ELF4: variants seen among roughly 807,000 people sequenced by gnomAD.
ELF4 encodes E74 like ETS transcription factor 4, also known as ETS-related transcription factor Elf-4.
In ELF4, 10 loss-of-function variants were observed where a neutral mutation model predicts 31.7. The observed-to-expected ratio is 0.32, with a 90% CI of 0.19 to 0.54. The LOEUF is 0.54. Ranked by LOEUF, ELF4 falls within the 20% of genes least tolerant of loss-of-function variation. ELF4 has a pLI of 0.95. For missense variants in ELF4, 418 were observed against 522.0 expected (o/e 0.80, Z 1.94); for synonymous variants, 208 against 226.7 (o/e 0.92, Z 0.74).
rs1932629093 is a variant in ELF4 at position 130,065,024 on chromosome X, C to T, written c.*1697G>A. The T allele has an allele frequency of 5.8e-6, 1 of 171,600 alleles. No homozygotes were observed. Among genetic ancestry groups the T allele is most frequent in the African/African-American group, 3.0e-5 (1 of 33,745 alleles). The allele number at this position is 171,600 out of a possible 1,213,427, so 14.1% of individuals were successfully genotyped here. A position where few individuals can be genotyped will look rare whatever the true frequency, so the allele number is the denominator to read the frequency against. ...ACATTTGCACAACCAAACACAGTGC[C>T]CTCCAGGGGGCAGGGAGAAGAAGAG... On this transcript the variant is annotated 3_prime_UTR_variant, in exon 9 of 9. Coordinates refer to ENST00000308167, the MANE Select transcript of ELF4 (RefSeq NM_001421.4).
intron 1 of ELF4, among the ~76,000 whole-genome samples, chrX:130,099,194 C>T (rs1933202168): frequency 8.9e-6 from 1 of 111,986 alleles, no homozygotes; most frequent in Admixed American, 9.5e-5. Flanking sequence ...GGCCTCCCTC[C>T]CTAGAGATTT....
chrX:130,098,619 A>G (rs1224092401), intron 1 of ELF4, among the ~76,000 whole-genome samples: 7 of 111,273 alleles, frequency 6.3e-5, no homozygotes, highest in African/African-American at 2.3e-4. Context: ...GGATCTATGC[A>G]CCCACCCAAA....
intron 4 of ELF4, among the ~76,000 whole-genome samples, chrX:130,072,831 C>A (rs1303732925): frequency 1.8e-5 from 2 of 112,028 alleles, no homozygotes; most frequent in East Asian, 5.6e-4. Flanking sequence ...GGTCACACAG[C>A]AAGTTGGTGC....
At chrX:130,098,347 C>T (rs1053860674) in intron 1 of ELF4, among the ~76,000 whole-genome samples, 2 of 112,152 alleles carry the variant, frequency 1.8e-5, no homozygotes, top group Non-Finnish European at 3.8e-5. Flanking sequence ...AGTGCCTCCT[C>T]GGCTCTTCTG....
chrX:130,107,498 T>C (rs888689349), intron 1 of ELF4, among the ~76,000 whole-genome samples: 1 of 110,839 alleles, frequency 9.0e-6, no homozygotes, highest in African/African-American at 3.3e-5. Flanking sequence ...ATTATTTATA[T>C]AGATGACATA....
chrX:130,085,321 G>A lies in ELF4; in HGVS notation c.-209-3782C>T, dbSNP rs184175371. ...TAAGAGGGAGTGTGCAGGCAAAGGC[G>A]CCGACCTCCTGGCCTGCAAATACAC... On this transcript the variant is annotated intron_variant, in intron 1 of 8. Coordinates refer to ENST00000308167, the MANE Select transcript of ELF4 (RefSeq NM_001421.4). Among the ~76,000 whole-genome samples the A allele has an allele frequency of 3.4e-3, 380 of 111,841 alleles. 3 individuals are homozygous for A. The highest frequency in any genetic ancestry group is 0.012 in the African/African-American group (365 of 30,787).
chrX:130,067,480 C>T lies in ELF4; in HGVS notation c.1233G>A (p.Val411=), dbSNP rs749616688. Residue 411 remains valine (V), a synonymous_variant, in exon 9 of 9, where the codon GTG becomes GTA. Coordinates refer to ENST00000308167, the MANE Select transcript of ELF4 (RefSeq NM_001421.4). Reference sequence around the variant, plus strand: ...GCAGGGTCAGGGCCGAGCCCGACCCCACGGGGGCCACTCCTAGGTGGATGT... The same window carrying T: ...GCAGGGTCAGGGCCGAGCCCGACCCTACGGGGGCCACTCCTAGGTGGATGT... ...PSNIHLGVAP[V]GSGSALTLQT... 1.7e-6 allele frequency: 2 copies of T among 1,211,761 alleles called. No homozygotes were observed. The highest frequency in any genetic ancestry group is 4.3e-5 in the Admixed American group (2 of 46,054).
chrX:130,072,426 A>G lies in ELF4; in HGVS notation c.341-9T>C. 8.3e-7 allele frequency: 1 copy of G among 1,211,878 alleles called. No individual in the cohort carries two copies. Among genetic ancestry groups the G allele is most frequent in the Non-Finnish European group, 1.1e-6 (1 of 895,315 alleles). On this transcript the variant is annotated splice_polypyrimidine_tract_variant and intron_variant, in intron 4 of 8. Coordinates refer to ENST00000308167, the MANE Select transcript of ELF4 (RefSeq NM_001421.4). ...CATTTCGGAGGTACTGACTGCAAGA[A>G]GAAAGACCTGAGGTGGGCGGGGCCC...
chrX:130,072,327 A>G lies in ELF4; in HGVS notation c.431T>C (p.Leu144Pro), dbSNP rs1271390747. Reference protein sequence around the residue: ...YLFPASEPDALNRAGDTSDQE... With the variant: ...YLFPASEPDAPNRAGDTSDQE... The stretch of plus-strand genomic sequence containing the variant: ...GTCACTAGTGTCACCCGCCCTGTTC[A>G]GGGCATCGGGCTCAGAGGCAGGAAA... The change falls in exon 5 of 9, where the codon CTG becomes CCG. Residue 144 changes from leucine to proline, a missense_variant. Transcript: ENST00000308167. 1 of 1,210,867 alleles carries G rather than the reference A, an allele frequency of 8.3e-7. No homozygotes were observed. Among genetic ancestry groups the G allele is most frequent in the Non-Finnish European group, 1.1e-6 (1 of 895,373 alleles).
intron 1 of ELF4, among the ~76,000 whole-genome samples, chrX:130,099,279 A>C (rs934242970): frequency 8.9e-6 from 1 of 112,047 alleles, no homozygotes; most frequent in African/African-American, 3.2e-5. Flanking sequence ...CCCTCTATCG[A>C]AATGTTCAGG....
intron 1 of ELF4, among the ~76,000 whole-genome samples, chrX:130,081,783 G>A (rs772822623): frequency 3.6e-5 from 4 of 112,221 alleles, no homozygotes; most frequent in Admixed American, 2.8e-4. Flanking sequence ...GTTGGTGCCC[G>A]TCTGGGTCAC....
intron 1 of ELF4, among the ~76,000 whole-genome samples, chrX:130,088,860 AGT>A (rs937594674): frequency 2.7e-5 from 3 of 112,048 alleles, no homozygotes; most frequent in African/African-American, 9.7e-5. Context: ...CTGCCAGCCC[AGT>A]GTGTGTCCTA....
intron 1 of ELF4, among the ~76,000 whole-genome samples, chrX:130,110,069 G>A (rs1335976996): frequency 1.8e-5 from 2 of 111,743 alleles, no homozygotes; most frequent in African/African-American, 6.5e-5. Flanking sequence ...GCTGCCGGGG[G>A]CGAGGGAAAA....
chrX:130,064,637 C>T lies in ELF4; in HGVS notation c.*2084G>A, dbSNP rs375811051. ...AATGGATGAGATTCTTGAACAGCCA[C>T]GTTGGAAGTGGTAGGTGAAGAACCA... On this transcript the variant is annotated 3_prime_UTR_variant, in exon 9 of 9. Transcript: ENST00000308167. 7.2e-5 allele frequency among the ~76,000 whole-genome samples: 8 copies of T among 111,595 alleles called. No individual in the cohort carries two copies. Among genetic ancestry groups the T allele is most frequent in the Non-Finnish European group, 1.3e-4 (7 of 53,067 alleles).
intron 1 of ELF4, among the ~76,000 whole-genome samples, chrX:130,106,546 C>T (rs1006843337): frequency 3.6e-5 from 4 of 111,465 alleles, no homozygotes; most frequent in African/African-American, 1.3e-4. Flanking sequence ...TATTACAGGA[C>T]ACACGAGGCT....
intron 2 of ELF4, among the ~76,000 whole-genome samples, chrX:130,078,806 C>CACAA (rs1556198185): frequency 1.1e-4 from 11 of 100,365 alleles, no homozygotes; most frequent in Non-Finnish European, 1.8e-4. Context: ...CACACACACA[C>CACAA]AATTAGCCAG....
intron 2 of ELF4, among the ~76,000 whole-genome samples, chrX:130,078,762 T>TAC (rs530565075): frequency 0.07 from 5,933 of 84,710 alleles, 222 homozygotes; most frequent in South Asian, 0.11. Context: ...TCTCTCTCTC[T>TAC]ACACACACAC....
In ELF4 at chrX:130,066,731, T is replaced by C; in HGVS notation, c.1982A>G (p.His661Arg). 1 of 1,209,517 alleles carries C rather than the reference T, an allele frequency of 8.3e-7. No homozygotes were observed. Among genetic ancestry groups the C allele is most frequent in the Non-Finnish European group, 1.1e-6 (1 of 894,846 alleles). ...NPTSLIKMEP[H>R]DI ...CCCTGACCCCTTTGCTTATATGTCATGGGGCTCCATCTTAATGAGGGAAGT... is the reference window on the plus strand; with the variant it reads ...CCCTGACCCCTTTGCTTATATGTCACGGGGCTCCATCTTAATGAGGGAAGT... Residue 661 changes from histidine (H) to arginine (R), a missense_variant, in exon 9 of 9, where the codon CAT becomes CGT. His to Arg is a conservative substitution (Grantham distance 29). Around this residue, in one of 4 missense-constraint regions of ELF4, gnomAD observed 260 missense variants for 269.2 expected, o/e 0.97. Coordinates refer to ENST00000308167, the MANE Select transcript of ELF4 (RefSeq NM_001421.4).
At position 130,071,112 on chromosome X, in the gene ELF4, G is replaced by A. The variant is rs1019492586; in HGVS notation, c.737C>T (p.Ala246Val). ...KGIFKLVDSK[A>V]VSKLWGKQKN... is the part of the protein sequence containing the mutation. ...CTGCTTCCCCCACAGCTTGGACACA[G>A]CTTTGGAGTCCACCAGTTTGAAGAT... The change falls in exon 7 of 9, where the codon GCT becomes GTT. Residue 246 changes from alanine (A) to valine (V), a missense_variant. This residue lies in a region of ELF4 where 35 missense variants were observed against 84.0 expected (regional missense o/e 0.42). Coordinates refer to ENST00000308167, the MANE Select transcript of ELF4 (RefSeq NM_001421.4). The A allele has an allele frequency of 6.6e-6, 8 of 1,210,214 alleles. No individual in the cohort carries two copies. The highest frequency in any genetic ancestry group is 1.7e-5 in the African/African-American group (1 of 57,234).
Sources: allele counts gnomAD v4.1 joint callset (sites outside exome capture counted in the v4.1 genomes callset), GRCh38; gene constraint gnomAD v4.1.1; regional missense constraint gnomAD v4.1.1; transcripts MANE v1.5; gene names NCBI Gene and HGNC (gene_info 2026-07-23, HGNC 2026-07-21).